The following TNFAIP8 variants were observed in gnomAD, a reference collection of about 807,000 sequenced individuals.
TNFAIP8 encodes the protein TNF alpha induced protein 8, also known as tumor necrosis factor alpha-induced protein 8.
Under a neutral mutation model 13.3 loss-of-function variants are expected in TNFAIP8, and 7 were observed. That is an observed-to-expected ratio of 0.52 (90% CI 0.30 to 0.99). The LOEUF is 0.99. Ranked by LOEUF, TNFAIP8 falls within the 50% of genes least tolerant of loss-of-function variation. TNFAIP8 has a pLI of 0.07. For missense variants in TNFAIP8, 258 were observed against 236.9 expected, an observed-to-expected ratio of 1.09 and a Z score of -0.58; for synonymous variants, 94 against 87.6, an observed-to-expected ratio of 1.07 and a Z score of -0.41.
Position 119,330,037 on chromosome 5 carries a change from G to A in TNFAIP8, c.1+61130G>A, listed in dbSNP as rs116061242. On this transcript the variant is annotated intron_variant, in intron 1 of 1. Coordinates refer to the TNFAIP8 transcript ENST00000274456. Reference sequence around the variant, plus strand: ...ATGACTCTTTCCTCTTTGAAGAAGAGGAGAGAGACAAAGAGGAGTAAGTTG... The same window carrying A: ...ATGACTCTTTCCTCTTTGAAGAAGAAGAGAGAGACAAAGAGGAGTAAGTTG... 3.8e-3 allele frequency among the ~76,000 whole-genome samples: 578 copies of A among 152,180 alleles called. 6 individuals carry two copies. Among genetic ancestry groups the A allele is most frequent in the African/African-American group, 0.014 (561 of 41,498 alleles).
chr5:119,322,613 G>C (rs754337179), intron 1 of TNFAIP8, among the ~76,000 whole-genome samples: 1 of 152,254 alleles, frequency 6.6e-6, no homozygotes, highest in South Asian at 2.1e-4. Flanking sequence ...TAGACAGACT[G>C]GTCCTCCATA....
At chr5:119,369,099 G>T (rs72788123) in intron 1 of TNFAIP8, among the ~76,000 whole-genome samples, 1 of 148,176 alleles carries the variant, frequency 6.7e-6, no homozygotes, top group Non-Finnish European at 1.5e-5. Context: ...TGTTACCCAG[G>T]CTGGAGTACA....
chr5:119,364,204 G>T (rs1373644774), intron 1 of TNFAIP8, among the ~76,000 whole-genome samples: 1 of 152,096 alleles, frequency 6.6e-6, no homozygotes, highest in African/African-American at 2.4e-5. Context: ...CCCCATTCTG[G>T]TTTATGAGTC....
intron 1 of TNFAIP8, among the ~76,000 whole-genome samples, chr5:119,365,868 A>G (rs1428938680): frequency 5.3e-5 from 8 of 152,216 alleles, no homozygotes; most frequent in Non-Finnish European, 1.2e-4. Flanking sequence ...GAGTTTTCCA[A>G]GAGGTAGACA....
chr5:119,269,689 C>T (rs1390990704), intron 1 of TNFAIP8, among the ~76,000 whole-genome samples: 1 of 152,106 alleles, frequency 6.6e-6, no homozygotes, highest in East Asian at 1.9e-4. Context: ...AGCAGTATCC[C>T]TAGAGGAATC....
At chr5:119,334,278 T>C (rs1222420905) in intron 1 of TNFAIP8, among the ~76,000 whole-genome samples, 1 of 152,210 alleles carries the variant, frequency 6.6e-6, no homozygotes, top group Non-Finnish European at 1.5e-5. Context: ...GAAAAAGTTA[T>C]CAAGGATTAG....
chr5:119,347,449 T>A (rs1346683361), intron 1 of TNFAIP8, among the ~76,000 whole-genome samples: 3 of 152,174 alleles, frequency 2.0e-5, no homozygotes, highest in Non-Finnish European at 4.4e-5. Flanking sequence ...GTTGGTGAAT[T>A]TTAGATCTCC....
At chr5:119,288,949 C>T (rs1748900074) in intron 1 of TNFAIP8, among the ~76,000 whole-genome samples, 1 of 152,180 alleles carries the variant, frequency 6.6e-6, no homozygotes, top group Non-Finnish European at 1.5e-5. Context: ...GATTTGTGCT[C>T]CTTTTGTTGG....
At chr5:119,355,413 A>G, upstream of TNFAIP8, 1 of 700,642 alleles carries the variant, frequency 1.4e-6, no homozygotes, top group South Asian at 1.5e-5. Flanking sequence ...AGGCCGCTCC[A>G]CTTTCTTCAA....
chr5:119,276,759 T>C (rs190105223), intron 1 of TNFAIP8, among the ~76,000 whole-genome samples: 32 of 152,330 alleles, frequency 2.1e-4, no homozygotes, highest in African/African-American at 7.7e-4. Flanking sequence ...CTTAATTGTT[T>C]ATTAAAGCCT....
Position 119,393,188 on chromosome 5 carries a change from G to A in TNFAIP8, c.404G>A (p.Cys135Tyr). ...GTGTTATCCAGGCTGTTAAATGAAT[G>A]CAGAGAGATGCTGCACCAAATCATT... ...RNVLSRLLNE[C>Y]REMLHQIIQR... Residue 135 changes from cysteine (C) to tyrosine (Y), a missense_variant, in exon 2 of 2, where the codon TGC (cysteine) becomes TAC (tyrosine). Coordinates refer to ENST00000504771, the MANE Select transcript of TNFAIP8 (RefSeq NM_014350.4). 1 of 1,614,004 alleles carries A rather than the reference G, an allele frequency of 6.2e-7. No individual in the cohort carries two copies. The highest frequency in any genetic ancestry group is 2.2e-5 in the East Asian group (1 of 44,884).
intron 1 of TNFAIP8, among the ~76,000 whole-genome samples, chr5:119,359,051 C>G (rs746774228): frequency 3.3e-5 from 5 of 152,170 alleles, no homozygotes; most frequent in Non-Finnish European, 5.9e-5. Context: ...ATAACTCCCT[C>G]AACGTCCTGT....
intron 1 of TNFAIP8, among the ~76,000 whole-genome samples, chr5:119,305,525 TTCAAGGCTGTAGTG>T (rs779698041): frequency 0.058 from 8,854 of 152,140 alleles, 574 homozygotes; most frequent in African/African-American, 0.16. Flanking sequence ...AGCCCAGGAG[TTCAAGGCTGTAGTG>T]CACTTGATCA....
At chr5:119,376,561 CA>C (rs1271561654) in intron 1 of TNFAIP8, among the ~76,000 whole-genome samples, 2 of 143,868 alleles carry the variant, frequency 1.4e-5, no homozygotes, top group Non-Finnish European at 3.0e-5. Flanking sequence ...ATTGTCTTCC[CA>C]CCCCCCCCGT....
intron 1 of TNFAIP8, among the ~76,000 whole-genome samples, chr5:119,359,740 T>C (rs1751563726): frequency 6.6e-6 from 1 of 152,218 alleles, no homozygotes; most frequent in Admixed American, 6.5e-5. Flanking sequence ...CCCCTATTCC[T>C]GCCCTTCCCC....
intron 1 of TNFAIP8, among the ~76,000 whole-genome samples, chr5:119,342,547 C>T (rs1455562437): frequency 6.6e-6 from 1 of 152,044 alleles, no homozygotes; most frequent in African/African-American, 2.4e-5. Context: ...CCTCAGGGTA[C>T]TCTCTCAACT....
At chr5:119,291,753 C>T (rs566760651) in intron 1 of TNFAIP8, among the ~76,000 whole-genome samples, 17 of 152,186 alleles carry the variant, frequency 1.1e-4, no homozygotes, top group Non-Finnish European at 2.1e-4. Flanking sequence ...CTTGTATTTT[C>T]GTTGCCCGGG....
At chr5:119,309,925 GT>G (rs1393685016) in intron 1 of TNFAIP8, among the ~76,000 whole-genome samples, 1 of 152,210 alleles carries the variant, frequency 6.6e-6, no homozygotes, top group Non-Finnish European at 1.5e-5. Flanking sequence ...TTAAGCCACT[GT>G]TTTCCCACTG....
At chr5:119,329,762 G>A (rs1750319529) in intron 1 of TNFAIP8, among the ~76,000 whole-genome samples, 2 of 151,666 alleles carry the variant, frequency 1.3e-5, no homozygotes, top group Admixed American at 1.3e-4. Flanking sequence ...TGCACACTGT[G>A]GACATCTCCA....
Sources: allele counts gnomAD v4.1 joint callset (sites outside exome capture counted in the v4.1 genomes callset), GRCh38; gene constraint gnomAD v4.1.1; transcripts MANE v1.5; gene names NCBI Gene and HGNC (gene_info 2026-07-23, HGNC 2026-07-21).